The following RAD50 variants were observed in gnomAD, a reference collection of about 807,000 sequenced individuals.
RAD50 encodes the protein DNA repair protein RAD50.
In RAD50, 132 loss-of-function variants were observed where a neutral mutation model predicts 168.8. The observed-to-expected ratio is 0.78, with a 90% CI of 0.68 to 0.90. The LOEUF is 0.90. RAD50 is among the 40% of genes least tolerant of loss of function. The probability of loss-of-function intolerance (pLI) is 0.00; values close to 1 mark genes in which losing one functional copy is unlikely to be tolerated. For missense variants in RAD50, 1,347 were observed against 1,534.4 expected, an observed-to-expected ratio of 0.88 and a Z score of 2.04; for synonymous variants, 525 against 497.4, an observed-to-expected ratio of 1.06 and a Z score of -0.74.
intron 5 of RAD50, among the ~76,000 whole-genome samples, chr5:132,583,683 T>G (rs946628365): frequency 6.7e-6 from 1 of 149,972 alleles, no homozygotes; most frequent in African/African-American, 2.5e-5. Context: ...GTGTGAGTAA[T>G]TCATTCCTTT....
chr5:132,582,740 C>T (rs1750524539), intron 5 of RAD50, among the ~76,000 whole-genome samples: 1 of 151,392 alleles, frequency 6.6e-6, no homozygotes, highest in Admixed American at 6.6e-5. Flanking sequence ...CCCAGCTGCT[C>T]TATTTTTTTT....
intron 13 of RAD50, among the ~76,000 whole-genome samples, chr5:132,599,798 C>G (rs1283958024): frequency 2.6e-5 from 4 of 151,924 alleles, no homozygotes; most frequent in African/African-American, 9.7e-5. Flanking sequence ...CAAATTCCAA[C>G]TCTGCTGGGT....
At chr5:132,627,718 G>A (rs1751394920) in intron 21 of RAD50, among the ~76,000 whole-genome samples, 1 of 152,186 alleles carries the variant, frequency 6.6e-6, no homozygotes, top group African/African-American at 2.4e-5. Context: ...AACTGCATTG[G>A]GCAGTCACTG....
At position 132,637,135 on chromosome 5, in the gene RAD50, G is replaced by T. The variant is rs1554100855; in HGVS notation, c.3410G>T (p.Ser1137Ile). ...TLDQAIMKFHSMKMEEINKII... is the reference protein window; with the variant it reads ...TLDQAIMKFHIMKMEEINKII... ...TCCAGAGCAATAATGAAATTTCACA[G>T]TATGAAAATGGAAGAAATCAATAAA... Residue 1137 changes from serine to isoleucine, a missense_variant, in exon 22 of 25, where the codon AGT (serine) becomes ATT (isoleucine). This residue lies in a region of RAD50 where 635 missense variants were observed against 739.2 expected (regional missense o/e 0.86). Coordinates refer to ENST00000378823, the MANE Select transcript of RAD50 (RefSeq NM_005732.4). The T allele has an allele frequency of 6.2e-7, 1 of 1,610,386 alleles. No individual in the cohort carries two copies. The highest frequency in any genetic ancestry group is 1.7e-5 in the Admixed American group (1 of 59,938).
intron 19 of RAD50, among the ~76,000 whole-genome samples, chr5:132,615,252 T>C (rs900117122): frequency 5.9e-5 from 9 of 152,352 alleles, no homozygotes; most frequent in African/African-American, 2.2e-4. Context: ...TTTGTTGTTG[T>C]TGCTGCTGCT....
chr5:132,565,947 C>T (rs2149833356), intron 2 of RAD50, among the ~76,000 whole-genome samples: 1 of 152,284 alleles, frequency 6.6e-6, no homozygotes, highest in African/African-American at 2.4e-5. Context: ...TCATTTATTC[C>T]ACTCTAGGCT....
intron 2 of RAD50, among the ~76,000 whole-genome samples, chr5:132,561,788 T>C (rs1473198427): frequency 1.3e-5 from 2 of 152,144 alleles, no homozygotes; most frequent in East Asian, 3.9e-4. Context: ...ACTACCTCAG[T>C]ACCCCACCCC....
At chr5:132,626,523 C>T (rs774265378) in intron 21 of RAD50, among the ~76,000 whole-genome samples, 7 of 152,076 alleles carry the variant, frequency 4.6e-5, no homozygotes, top group Non-Finnish European at 5.9e-5. Flanking sequence ...AGCTCAGAGG[C>T]GATTTAGTCC....
In RAD50 at chr5:132,642,879, C is replaced by T. The variant is rs139173214; in HGVS notation, c.*515C>T. The T allele has an allele frequency of 2.2e-3, 875 of 399,346 alleles. 7 individuals are homozygous for T. Among genetic ancestry groups the T allele is most frequent in the South Asian group, 4.8e-3 (210 of 44,088 alleles). The allele number at this position is 399,346 out of a possible 1,614,324, so 24.7% of individuals were successfully genotyped here. On this transcript the variant is annotated 3_prime_UTR_variant, in exon 25 of 25. Transcript: ENST00000378823. ...ACTTTATAAATCCAGTGACCTCTCT[C>T]TCTGGGACTTGGTTTCCCCAACTAA...
At chr5:132,608,998 C>T in intron 17 of RAD50, 119 bp from the exon 18 acceptor site, 1 of 1,413,696 alleles carries the variant, frequency 7.1e-7, no homozygotes, top group Non-Finnish European at 9.5e-7. Context: ...TCATAAAATT[C>T]AGTAGTGGTG....
At chr5:132,575,715 C>G in intron 2 of RAD50, 62 bp from the exon 3 acceptor site, 1 of 1,505,764 alleles carries the variant, frequency 6.6e-7, no homozygotes, top group South Asian at 1.1e-5. Flanking sequence ...ATGCCTTTTT[C>G]TCAGAACCAA....
chr5:132,619,669 A>G (rs1751240360), intron 21 of RAD50, among the ~76,000 whole-genome samples: 1 of 151,740 alleles, frequency 6.6e-6, no homozygotes, highest in African/African-American at 2.4e-5. Context: ...CATTATGCTT[A>G]TCTTTTTTAC....
At chr5:132,595,212 GA>G (rs1750769018) in intron 12 of RAD50, 168 bp downstream of exon 12, 4 of 709,666 alleles carry the variant, frequency 5.6e-6, no homozygotes, top group Non-Finnish European at 9.3e-6. Flanking sequence ...GCAAGTTACT[GA>G]AACCTTCCTG....
chr5:132,573,380 T>C (rs1750340349), intron 2 of RAD50, among the ~76,000 whole-genome samples: 1 of 151,978 alleles, frequency 6.6e-6, no homozygotes, highest in Admixed American at 6.5e-5. Flanking sequence ...TGCAGGAAAA[T>C]TCCCCCTTAT....
intron 6 of RAD50, 21 bp downstream of exon 6, chr5:132,587,711 G>T (rs746706768): frequency 1.2e-6 from 2 of 1,613,154 alleles, no homozygotes; most frequent in Admixed American, 3.3e-5. Context: ...GTAGAATTTT[G>T]TTCTGCTTCA....
chr5:132,610,472 T>C (rs1371035185), intron 19 of RAD50, among the ~76,000 whole-genome samples: 1 of 152,214 alleles, frequency 6.6e-6, no homozygotes, highest in African/African-American at 2.4e-5. Context: ...ACATGCTTTA[T>C]GCAAGCATGG....
intron 2 of RAD50, among the ~76,000 whole-genome samples, chr5:132,569,703 C>T (rs1238962114): frequency 6.6e-6 from 1 of 152,154 alleles, no homozygotes; most frequent in Non-Finnish European, 1.5e-5. Context: ...GCATGTGGAA[C>T]ATTCTGTAAG....
At position 132,594,890 on chromosome 5, in the gene RAD50, G is replaced by C. The variant is rs769987307; in HGVS notation, c.1815G>C (p.Glu605Asp). ...AKLNKELASS[E>D]QNKNHINNEL... ...TTAGCAAGGAACTAGCTTCATCTGA[G>C]CAGAATAAAAATCATATAAATAATG... The change falls in exon 12 of 25, where the codon GAG (glutamate) becomes GAC (aspartate). Residue 605 changes from glutamate to aspartate, a missense_variant. By Grantham distance (45) the Glu-to-Asp change is conservative. Coordinates refer to ENST00000378823, the MANE Select transcript of RAD50 (RefSeq NM_005732.4). 1 of 1,604,426 alleles carries C rather than the reference G, an allele frequency of 6.2e-7. No homozygotes were observed. Among genetic ancestry groups the C allele is most frequent in the Non-Finnish European group, 8.5e-7 (1 of 1,171,376 alleles).
intron 2 of RAD50, among the ~76,000 whole-genome samples, chr5:132,574,367 T>C (rs1362631917): frequency 6.6e-6 from 1 of 152,158 alleles, no homozygotes. Context: ...AGCTGTACCT[T>C]GGCTTCTTTT....
Sources: gnomAD v4.1 joint callset for allele counts (sites outside exome capture counted in the v4.1 genomes callset) on GRCh38, gnomAD v4.1.1 for gene constraint, gnomAD v4.1.1 regional missense constraint, MANE v1.5 for transcripts, NCBI Gene and HGNC (gene_info 2026-07-23, HGNC 2026-07-21) for gene names.